NCALD: variants seen among roughly 807,000 people sequenced by gnomAD.
NCALD encodes the protein neurocalcin delta, also known as neurocalcin-delta.
A neutral mutation model predicts 18.6 loss-of-function variants in NCALD; 10 were observed. The observed-to-expected ratio is 0.54, with a 90% CI of 0.33 to 0.91. The LOEUF is 0.91. NCALD is among the 40% of genes least tolerant of loss of function. The pLI is 0.03. For synonymous variants in NCALD, 88 were observed against 87.4 expected (o/e 1.01, Z -0.04); for missense variants, 184 against 247.6 (o/e 0.74, Z 1.72).
intron 1 of NCALD, among the ~76,000 whole-genome samples, chr8:102,070,428 T>C (rs898675312): frequency 9.9e-5 from 15 of 152,252 alleles, no homozygotes; most frequent in Admixed American, 9.8e-4. Flanking sequence ...TTTCTGTCAC[T>C]TTCATTTTTT....
At chr8:101,804,700 T>TTAC (rs1813032495) in intron 4 of NCALD, among the ~76,000 whole-genome samples, 2 of 115,002 alleles carry the variant, frequency 1.7e-5, no homozygotes, top group South Asian at 5.6e-4. Context: ...TACCTAATTA[T>TTAC]ATATAAATAA....
At chr8:101,734,920 G>A (rs1817006559) in intron 1 of NCALD, among the ~76,000 whole-genome samples, 3 of 152,130 alleles carry the variant, frequency 2.0e-5, no homozygotes, top group Non-Finnish European at 4.4e-5. Context: ...GCTCTGAATG[G>A]GTCCAAAGCA....
At chr8:101,990,777 A>C (rs1161211121) in intron 2 of NCALD, among the ~76,000 whole-genome samples, 1 of 152,142 alleles carries the variant, frequency 6.6e-6, no homozygotes, top group Admixed American at 6.5e-5. Context: ...ATAAAAATGG[A>C]CTAATACAAC....
At chr8:101,884,764 G>A (rs964864940) in intron 4 of NCALD, among the ~76,000 whole-genome samples, 2 of 151,892 alleles carry the variant, frequency 1.3e-5, no homozygotes, top group Non-Finnish European at 2.9e-5. Flanking sequence ...GTGACTGGAT[G>A]GAAAATAGTT....
intron 2 of NCALD, among the ~76,000 whole-genome samples, chr8:102,004,532 T>G (rs1262466507): frequency 1.6e-4 from 24 of 151,154 alleles, no homozygotes; most frequent in Middle Eastern, 3.4e-3. Flanking sequence ...AAAACTACTT[T>G]AAAGTTCATA....
chr8:101,905,119 T>C (rs1039732186), intron 3 of NCALD, among the ~76,000 whole-genome samples: 2 of 152,242 alleles, frequency 1.3e-5, no homozygotes, highest in African/African-American at 4.8e-5. Flanking sequence ...GCTTCCTATT[T>C]TTTAATCTGA....
intron 1 of NCALD, among the ~76,000 whole-genome samples, chr8:102,097,391 C>T (rs1327361043): frequency 6.6e-6 from 1 of 152,228 alleles, no homozygotes; most frequent in African/African-American, 2.4e-5. Context: ...TTACTCACAA[C>T]CAAAGTCCCC....
intron 1 of NCALD, among the ~76,000 whole-genome samples, chr8:102,075,543 G>T (rs1395984673): frequency 2.6e-5 from 4 of 152,094 alleles, no homozygotes; most frequent in Non-Finnish European, 5.9e-5. Context: ...ATCTCTTAGG[G>T]TTTTCTTTTT....
rs568760343 is a variant in NCALD, at chr8:101,740,996, T to C, written c.-19-21348A>G. ...AAAACAAACAACTCTGTAGAATCAG[T>C]GTAAAAAAATTGTATTCCCCAAATA... On this transcript the variant is annotated intron_variant, in intron 1 of 3. Coordinates refer to ENST00000220931, the MANE Select transcript of NCALD (RefSeq NM_032041.3). Among the ~76,000 whole-genome samples, 7 of 152,340 alleles carry C rather than the reference T, an allele frequency of 4.6e-5. No homozygotes were observed. In the South Asian group the frequency reaches 1.2e-3, roughly 27 times the overall value.
chr8:101,774,677 G>A (rs1266627833), intron 1 of NCALD, among the ~76,000 whole-genome samples: 1 of 152,166 alleles, frequency 6.6e-6, no homozygotes, highest in Admixed American at 6.5e-5. Flanking sequence ...GAGTCATGGC[G>A]GAGGCAATAG....
chr8:101,893,296 T>G (rs1007056071), intron 3 of NCALD, among the ~76,000 whole-genome samples: 1 of 151,056 alleles, frequency 6.6e-6, no homozygotes, highest in Non-Finnish European at 1.5e-5. Flanking sequence ...TAAAATACTT[T>G]ACAGACAAGC....
At chr8:102,040,397 C>G (rs975955190) in intron 1 of NCALD, among the ~76,000 whole-genome samples, 1 of 151,596 alleles carries the variant, frequency 6.6e-6, no homozygotes, top group Non-Finnish European at 1.5e-5. Flanking sequence ...TCACTTGAAA[C>G]CGGGAAGTAG....
chr8:102,115,481 C>G (rs990524883), intron 1 of NCALD, among the ~76,000 whole-genome samples: 1 of 152,126 alleles, frequency 6.6e-6, no homozygotes, highest in African/African-American at 2.4e-5. Context: ...GACAATAAAA[C>G]AGAATAATTG....
chr8:102,039,851 C>T (rs948100801), intron 1 of NCALD, among the ~76,000 whole-genome samples: 2 of 152,126 alleles, frequency 1.3e-5, no homozygotes, highest in African/African-American at 4.8e-5. Context: ...TGACCTGGCA[C>T]ACTACCCACC....
At chr8:101,751,187 C>T (rs1271581056) in intron 1 of NCALD, among the ~76,000 whole-genome samples, 1 of 152,172 alleles carries the variant, frequency 6.6e-6, no homozygotes, top group Admixed American at 6.5e-5. Flanking sequence ...ACACATGCTA[C>T]AACATGGGTG....
At chr8:101,787,193 C>G (rs1812260605) in intron 1 of NCALD, among the ~76,000 whole-genome samples, 1 of 152,094 alleles carries the variant, frequency 6.6e-6, no homozygotes, top group South Asian at 2.1e-4. Flanking sequence ...TTTCAAACAC[C>G]TGGCTTGAGA....
chr8:101,984,549 G>A (rs1820733600), intron 2 of NCALD, among the ~76,000 whole-genome samples: 1 of 152,164 alleles, frequency 6.6e-6, no homozygotes, highest in Admixed American at 6.5e-5. Context: ...CAGAAACTTA[G>A]GAGGCCAATA....
At chr8:101,938,340 A>C (rs1160342751) in intron 2 of NCALD, among the ~76,000 whole-genome samples, 1 of 152,184 alleles carries the variant, frequency 6.6e-6, no homozygotes, top group African/African-American at 2.4e-5. Context: ...ATACACTCTT[A>C]TGCCCACTTA....
Position 101,687,882 on chromosome 8 carries a change from T to C in NCALD, c.*1427A>G, listed in dbSNP as rs143898318. ...AGACTTGTGCTGTCACTTCTGGAAA[T>C]AGAAGTCTGCATTCAAAGAGCACGG... On this transcript the variant is annotated 3_prime_UTR_variant, in exon 4 of 4. Coordinates refer to ENST00000220931, the MANE Select transcript of NCALD (RefSeq NM_032041.3). The C allele has an allele frequency of 2.5e-4, 38 of 152,344 alleles. No homozygotes were observed. Among genetic ancestry groups the C allele is most frequent in the Admixed American group, 2.3e-3 (35 of 15,300 alleles). The allele number at this position is 152,344 out of a possible 1,614,324, so 9.4% of individuals were successfully genotyped here. A position where few individuals can be genotyped will look rare whatever the true frequency, so the allele number is the denominator to read the frequency against.
Sources: allele counts gnomAD v4.1 joint callset (sites outside exome capture counted in the v4.1 genomes callset), GRCh38; gene constraint gnomAD v4.1.1; transcripts MANE v1.5; gene names NCBI Gene and HGNC (gene_info 2026-07-23, HGNC 2026-07-21).